STK32B: variants seen among roughly 807,000 people sequenced by gnomAD.
STK32B encodes serine/threonine-protein kinase 32B.
Under a neutral mutation model 52.6 loss-of-function variants are expected in STK32B, and 43 were observed. The observed-to-expected ratio is 0.82, with a 90% CI of 0.64 to 1.05. STK32B has a LOEUF of 1.05. Ranked by LOEUF, STK32B falls within the 50% of genes least tolerant of loss-of-function variation. The pLI, the probability that STK32B is intolerant of heterozygous loss-of-function variation, is 0.00. For missense variants in STK32B, 621 were observed against 534.6 expected (o/e 1.16, Z -1.59); for synonymous variants, 238 against 204.3 (o/e 1.17, Z -1.41).
intron 3 of STK32B, among the ~76,000 whole-genome samples, chr4:5,248,586 A>C (rs1191558074): frequency 6.6e-6 from 1 of 151,936 alleles, no homozygotes; most frequent in East Asian, 1.9e-4. Flanking sequence ...CTGGACTACT[A>C]TTCAGTGACT....
the STK32B span, among the ~76,000 whole-genome samples, chr4:5,021,888 G>C: frequency 6.6e-6 from 1 of 152,192 alleles, no homozygotes; most frequent in Non-Finnish European, 1.5e-5. Context: ...AGTCAGTGGG[G>C]AGACAAGGAA....
chr4:5,039,745 C>CCA, the STK32B span, among the ~76,000 whole-genome samples: 106 of 152,326 alleles, frequency 7.0e-4, no homozygotes, highest in Non-Finnish European at 1.4e-3. Context: ...ACTGCAAACA[C>CCA]GTGAGGAATG....
At chr4:5,285,668 A>G (rs1728498638) in intron 3 of STK32B, among the ~76,000 whole-genome samples, 3 of 152,212 alleles carry the variant, frequency 2.0e-5, no homozygotes, top group Admixed American at 2.0e-4. Flanking sequence ...TTACAAGGGA[A>G]AGGAACAAAT....
intron 1 of STK32B, among the ~76,000 whole-genome samples, chr4:5,094,534 G>C (rs1315979335): frequency 3.3e-5 from 5 of 152,140 alleles, no homozygotes; most frequent in Non-Finnish European, 5.9e-5. Flanking sequence ...TGCACCTGCA[G>C]ACCCAGCTAC....
intron 4 of STK32B, among the ~76,000 whole-genome samples, chr4:5,365,742 G>T (rs1734833946): frequency 6.6e-6 from 1 of 152,176 alleles, no homozygotes; most frequent in Non-Finnish European, 1.5e-5. Context: ...TAACTTGGGA[G>T]CTTGTCTTTG....
At chr4:5,121,265 C>A (rs965978710) in intron 1 of STK32B, among the ~76,000 whole-genome samples, 1 of 152,160 alleles carries the variant, frequency 6.6e-6, no homozygotes, top group Non-Finnish European at 1.5e-5. Context: ...CTTTCTATGG[C>A]TGAGTAGTAT....
At chr4:5,174,179 T>G (rs1719627312) in intron 3 of STK32B, among the ~76,000 whole-genome samples, 1 of 152,220 alleles carries the variant, frequency 6.6e-6, no homozygotes, top group Non-Finnish European at 1.5e-5. Context: ...TCTTTCTATT[T>G]TGAGCCTATG....
chr4:5,129,531 T>C (rs899286375), intron 1 of STK32B, among the ~76,000 whole-genome samples: 1 of 152,248 alleles, frequency 6.6e-6, no homozygotes, highest in African/African-American at 2.4e-5. Flanking sequence ...TCTTCAAAAC[T>C]TATTTGGCAG....
At chr4:5,085,413 T>A (rs1016013342) in intron 1 of STK32B, among the ~76,000 whole-genome samples, 1 of 152,192 alleles carries the variant, frequency 6.6e-6, no homozygotes, top group African/African-American at 2.4e-5. Flanking sequence ...TAAGGAGACA[T>A]GTTTAACTTT....
At chr4:5,259,582 T>G (rs536040812) in intron 3 of STK32B, among the ~76,000 whole-genome samples, 1 of 152,256 alleles carries the variant, frequency 6.6e-6, no homozygotes, top group African/African-American at 2.4e-5. Context: ...ATTTAATGAG[T>G]TAACATTTAT....
At chr4:5,301,037 T>C (rs1415941069) in intron 3 of STK32B, among the ~76,000 whole-genome samples, 4 of 152,184 alleles carry the variant, frequency 2.6e-5, no homozygotes, top group East Asian at 1.9e-4. Flanking sequence ...TATATTAAGA[T>C]GATCATATAA....
chr4:5,156,954 T>C (rs1397775015), intron 2 of STK32B, among the ~76,000 whole-genome samples: 1 of 152,072 alleles, frequency 6.6e-6, no homozygotes, highest in Non-Finnish European at 1.5e-5. Flanking sequence ...GGAAAGACTC[T>C]TTGCAGGCTC....
At chr4:5,239,463 C>G (rs1037904351) in intron 3 of STK32B, among the ~76,000 whole-genome samples, 1 of 152,050 alleles carries the variant, frequency 6.6e-6, no homozygotes, top group East Asian at 1.9e-4. Flanking sequence ...TTGCAGGGAC[C>G]AAGATTCAGC....
intron 6 of STK32B, chr4:5,427,029 C>T (rs1713165058): frequency 6.6e-6 from 1 of 152,168 alleles, no homozygotes; most frequent in South Asian, 2.1e-4. Context: ...ATGATGTCAA[C>T]TATAAGGTTT....
intron 4 of STK32B, among the ~76,000 whole-genome samples, chr4:5,345,811 C>T (rs747166319): frequency 2.0e-5 from 3 of 152,218 alleles, no homozygotes; most frequent in Non-Finnish European, 4.4e-5. Context: ...GTGATGGAAA[C>T]GTCACATGGA....
At chr4:5,475,477 T>A (rs932679817) in intron 11 of STK32B, among the ~76,000 whole-genome samples, 1 of 131,502 alleles carries the variant, frequency 7.6e-6, no homozygotes, top group Non-Finnish European at 1.6e-5. Flanking sequence ...GGTGGGCAGA[T>A]CACTTGAGGT....
At chr4:5,282,402 C>A (rs1352664126) in intron 3 of STK32B, among the ~76,000 whole-genome samples, 2 of 152,074 alleles carry the variant, frequency 1.3e-5, no homozygotes, top group Non-Finnish European at 2.9e-5. Context: ...ACTGTATATA[C>A]CTATCATGAA....
chr4:5,360,169 G>A (rs1012131482), intron 4 of STK32B, among the ~76,000 whole-genome samples: 3 of 152,110 alleles, frequency 2.0e-5, no homozygotes, highest in Non-Finnish European at 4.4e-5. Context: ...CCACAGTTCA[G>A]TTGCCTGGAA....
chr4:5,067,146 C>A (rs1209679044), intron 1 of STK32B, among the ~76,000 whole-genome samples: 2 of 152,184 alleles, frequency 1.3e-5, no homozygotes. Flanking sequence ...TGCATGGCAG[C>A]AGGCAAAGAG....
Sources: gnomAD v4.1 joint callset for allele counts (sites outside exome capture counted in the v4.1 genomes callset) on GRCh38, gnomAD v4.1.1 for gene constraint, MANE v1.5 for transcripts, NCBI Gene and HGNC (gene_info 2026-07-23, HGNC 2026-07-21) for gene names.